WDR87: variants seen among roughly 807,000 people sequenced by gnomAD.
WDR87 encodes the protein WD repeat-containing protein 87.
WDR87 carries 56 observed loss-of-function variants against 83.3 expected under a neutral mutation model. The ratio of observed to expected loss-of-function variants is 0.67; its 90% CI spans 0.54 to 0.84. The LOEUF (loss-of-function observed/expected upper bound fraction) is 0.84. WDR87 is among the 40% of genes least tolerant of loss of function. The probability of loss-of-function intolerance (pLI) is 0.00; values close to 1 mark genes in which losing one functional copy is unlikely to be tolerated. For synonymous variants in WDR87, 1,173 were observed against 1,250.6 expected, an observed-to-expected ratio of 0.94 and a Z score of 1.31; for missense variants, 2,939 against 3,431.9, an observed-to-expected ratio of 0.86 and a Z score of 3.59.
chr19:37,894,449 G>C lies in WDR87; in HGVS notation c.1254C>G (p.Asp418Glu). Residue 418 changes from aspartate to glutamate, a missense_variant, in exon 4 of 6, where the codon GAC (aspartate) becomes GAG (glutamate). Asp to Glu is a conservative substitution (Grantham distance 45, BLOSUM62 2). Around this residue, in one of 3 missense-constraint regions of WDR87, gnomAD observed 553 missense variants for 577.9 expected, o/e 0.96. Coordinates refer to ENST00000447313, the MANE Select transcript of WDR87 (RefSeq NM_001291088.2). Reference sequence around the variant, plus strand: ...CTACAAAGAGCTCCTCTTTACCTGGGTCGTAGGCCCAATCCACAGCCTGGT... The same window carrying C: ...CTACAAAGAGCTCCTCTTTACCTGGCTCGTAGGCCCAATCCACAGCCTGGT... ...ILDQAVDWAY[D>E]PGKEELFVAT... The C allele has an allele frequency of 6.4e-7, 1 of 1,551,722 alleles. No individual in the cohort carries two copies. The highest frequency in any genetic ancestry group is 8.7e-7 in the Non-Finnish European group (1 of 1,147,000).
intron 1 of WDR87, among the ~76,000 whole-genome samples, chr19:37,902,457 A>C (rs1311620447): frequency 6.6e-6 from 1 of 152,152 alleles, no homozygotes; most frequent in Non-Finnish European, 1.5e-5. Context: ...ACCTCAGGTC[A>C]TCTGCCCGCC....
At chr19:37,903,297 C>T (rs2046303787) in intron 1 of WDR87, among the ~76,000 whole-genome samples, 1 of 152,154 alleles carries the variant, frequency 6.6e-6, no homozygotes, top group African/African-American at 2.4e-5. Flanking sequence ...CAAGTTTGTC[C>T]CCAGGGCCTG....
At position 37,889,864 on chromosome 19, in the gene WDR87, A is replaced by T; in HGVS notation, c.3807T>A (p.Ser1269=). The T allele has an allele frequency of 1.3e-6, 2 of 1,551,734 alleles. No homozygotes were observed. Among genetic ancestry groups the T allele is most frequent in the Non-Finnish European group, 1.7e-6 (2 of 1,146,994 alleles). Residue 1269 remains serine, a synonymous_variant, in exon 6 of 6, where the codon TCT becomes TCA. Transcript: ENST00000447313. ...CATCTCCAGCGGTTGACCTGCGGCC[A>T]GATATTCCAGAGGCTCCCCGCCCTT... ...KIQGRGASGI[S]GRRSTAGDGS... is the part of the protein sequence containing the mutation.
rs1371104209 is a variant in WDR87 at position 37,887,466 on chromosome 19, C to T, written c.6205G>A (p.Glu2069Lys). ...AATTCCAGTTTTCCTTTGGCAATTT[C>T]GCTTTCCTCCATGGCCAATATCCTG... The part of the protein sequence containing the change: ...EDRILAMEES[E>K]IAKGKLEFTR... Residue 2069 changes from glutamate to lysine, a missense_variant, in exon 6 of 6, where the codon GAA becomes AAA. Transcript: ENST00000447313. 9.0e-6 allele frequency: 14 copies of T among 1,551,576 alleles called. No homozygotes were observed. The highest frequency in any genetic ancestry group is 5.9e-5 in the Admixed American group (3 of 50,950).
At position 37,889,866 on chromosome 19, in the gene WDR87, A is replaced by C; in HGVS notation, c.3805T>G (p.Ser1269Ala). Residue 1269 changes from serine to alanine, a missense_variant, in exon 6 of 6, where the codon TCT (serine) becomes GCT (alanine). Ser to Ala is a moderately conservative substitution (Grantham distance 99). Coordinates refer to ENST00000447313, the MANE Select transcript of WDR87 (RefSeq NM_001291088.2). ...KIQGRGASGI[S>A]GRRSTAGDGS... Reference sequence around the variant, plus strand: ...TCTCCAGCGGTTGACCTGCGGCCAGATATTCCAGAGGCTCCCCGCCCTTGG... The same window carrying C: ...TCTCCAGCGGTTGACCTGCGGCCAGCTATTCCAGAGGCTCCCCGCCCTTGG... The C allele has an allele frequency of 6.4e-7, 1 of 1,551,752 alleles. No individual in the cohort carries two copies. The highest frequency in any genetic ancestry group is 2.4e-5 in the East Asian group (1 of 40,920).
At chr19:37,899,416 CAAAAAAAAAA>C (rs11378161) in intron 1 of WDR87, among the ~76,000 whole-genome samples, 12 of 79,258 alleles carry the variant, frequency 1.5e-4, no homozygotes, top group African/African-American at 4.0e-4. Context: ...GACTCAGTCT[CAAAAAAAAAA>C]AAAAAAAAAA....
rs2046137704 is a variant in WDR87, at chr19:37,885,678, A to G, written c.7993T>C (p.Leu2665=). The G allele has an allele frequency of 6.4e-7, 1 of 1,551,734 alleles. No individual in the cohort carries two copies. The highest frequency in any genetic ancestry group is 8.7e-7 in the Non-Finnish European group (1 of 1,146,996). The change falls in exon 6 of 6, where the codon TTA becomes CTA. Residue 2665 remains leucine, a synonymous_variant. Transcript: ENST00000447313. ...GGGTCTGGAATCCTCTTGGTAGCTA[A>G]TGGGGACTTTTGTGTGGGGACAGCC... ...PLAVPTQKSP[L]ATKRIPDPRA...
chr19:37,905,497 CT>C (rs2046320438), intron 1 of WDR87, among the ~76,000 whole-genome samples: 1 of 150,922 alleles, frequency 6.6e-6, no homozygotes, highest in Non-Finnish European at 1.5e-5. Flanking sequence ...TGAATTTTAC[CT>C]GTTTATGTCA....
intron 1 of WDR87, among the ~76,000 whole-genome samples, chr19:37,904,698 T>C (rs961671982): frequency 6.6e-6 from 1 of 152,218 alleles, no homozygotes; most frequent in Non-Finnish European, 1.5e-5. Context: ...ATATACACTG[T>C]TATTCACTTT....
rs905072281 is a variant in WDR87, at chr19:37,894,568, G to T, written c.1135C>A (p.Arg379=). 1 of 1,551,586 alleles carries T rather than the reference G, an allele frequency of 6.4e-7. No individual in the cohort carries two copies. Among genetic ancestry groups the T allele is most frequent in the East Asian group, 2.4e-5 (1 of 40,938 alleles). ...CCATCCTCAGTGGTACACAGGATCC[G>T]GAACCAGTTATTTCCACAGCAGACC... The part of the protein sequence containing the change: ...RRVCCGNNWF[R]ILCTTEDGLL... The change falls in exon 4 of 6, where the codon CGG becomes AGG. Residue 379 remains arginine, a synonymous_variant. Coordinates refer to ENST00000447313, the MANE Select transcript of WDR87 (RefSeq NM_001291088.2).
chr19:37,885,244 C>T lies in WDR87; in HGVS notation c.8427G>A (p.Lys2809=). ...CTCTCATTAGCAGCTCCTGAAGCAG[C>T]TTCTGGATTCTGGGGGACTTAAGTT... The part of the protein sequence containing the change: ...LYQLKSPRIQ[K]LLQELLMREE... Residue 2809 remains lysine, a synonymous_variant, in exon 6 of 6, where the codon AAG becomes AAA. Coordinates refer to ENST00000447313, the MANE Select transcript of WDR87 (RefSeq NM_001291088.2). 6.6e-7 allele frequency: 1 copy of T among 1,513,252 alleles called. No homozygotes were observed. The highest frequency in any genetic ancestry group is 8.8e-7 in the Non-Finnish European group (1 of 1,131,440). The allele number at this position is 1,513,252 out of a possible 1,614,324, so 93.7% of individuals were successfully genotyped here.
intron 4 of WDR87, 145 bp downstream of exon 4, chr19:37,892,433 C>G: frequency 1.3e-6 from 1 of 748,592 alleles, no homozygotes; most frequent in Non-Finnish European, 2.1e-6. Flanking sequence ...TCGGGATTGT[C>G]AAGGATAGTC....
In WDR87 at chr19:37,891,629, G is replaced by A; in HGVS notation, c.3317C>T (p.Thr1106Ile). The A allele has an allele frequency of 1.4e-5, 22 of 1,551,984 alleles. No homozygotes were observed. Among genetic ancestry groups the A allele is most frequent in the Non-Finnish European group, 1.9e-5 (22 of 1,147,056 alleles). The change falls in exon 5 of 6, where the codon ACA becomes ATA. Residue 1106 changes from threonine (T) to isoleucine (I), a missense_variant. Physicochemically the swap from Thr to Ile is moderately conservative, Grantham distance 89. Transcript: ENST00000447313. Reference sequence around the variant, plus strand: ...GGCCACTTCAGATTCTTCAGAAACTGTAGGAGGTTTCAGGGAGGATTTAAG... The same window carrying A: ...GGCCACTTCAGATTCTTCAGAAACTATAGGAGGTTTCAGGGAGGATTTAAG... Reference protein sequence around the residue: ...SELKSSLKPPTVSEESEVAIK... With the variant: ...SELKSSLKPPIVSEESEVAIK...
At position 37,893,263 on chromosome 19, in the gene WDR87, GC is replaced by G. The variant is rs1431403560; in HGVS notation, c.2439del (p.Arg814GlyfsTer15). On this transcript the variant is annotated frameshift_variant, in exon 4 of 6. Transcript: ENST00000447313. LOFTEE classifies it high-confidence loss of function. ...CAGTCAGGGGCAAAAAGCCATTCCCGCCCATGACCAAAGTAGTATCGCAATA... is the reference window on the plus strand; with the variant it reads ...CAGTCAGGGGCAAAAAGCCATTCCCGCCATGACCAAAGTAGTATCGCAATA... Reference protein sequence around the residue: ...YQILRYYFGHGREWLFAPDCY... With the variant: ...YQILRYYFGHXREWLFAPDCY... 1.9e-6 allele frequency: 3 copies of G among 1,551,602 alleles called. No individual in the cohort carries two copies. The highest frequency in any genetic ancestry group is 2.6e-6 in the Non-Finnish European group (3 of 1,147,022).
Position 37,894,288 on chromosome 19 carries a change from C to T in WDR87, c.1415G>A (p.Gly472Asp), listed in dbSNP as rs908030249. ...CCCAGAGAATATCAGTCCCTCTAGA[C>T]CCCGCCCCAAGTTGAAATGCCCATA... ...LAYGHFNLGR[G>D]LEGLIFSGHQ... Residue 472 changes from glycine (G) to aspartate (D), a missense_variant, in exon 4 of 6, where the codon GGT becomes GAT. Transcript: ENST00000447313. The T allele has an allele frequency of 2.6e-6, 4 of 1,551,620 alleles. No individual in the cohort carries two copies. Among genetic ancestry groups the T allele is most frequent in the African/African-American group, 1.4e-5 (1 of 73,032 alleles).
Position 37,886,289 on chromosome 19 carries a change from A to G in WDR87, c.7382T>C (p.Val2461Ala). Residue 2461 changes from valine (V) to alanine (A), a missense_variant, in exon 6 of 6, where the codon GTA becomes GCA. Val to Ala is a moderately conservative substitution (Grantham distance 64). Around this residue, in one of 3 missense-constraint regions of WDR87, gnomAD observed 2,160 missense variants for 2,533.1 expected, o/e 0.85. Coordinates refer to ENST00000447313, the MANE Select transcript of WDR87 (RefSeq NM_001291088.2). Reference sequence around the variant, plus strand: ...TAAGAATTTCCTGGGTATTTCAACTACTGTGGCCTTTTTATCTTCCCAGGA... The same window carrying G: ...TAAGAATTTCCTGGGTATTTCAACTGCTGTGGCCTTTTTATCTTCCCAGGA... ...QISWEDKKAT[V>A]VEIPRKFLGT... The G allele has an allele frequency of 6.4e-7, 1 of 1,551,630 alleles. No individual in the cohort carries two copies. Among genetic ancestry groups the G allele is most frequent in the Non-Finnish European group, 8.7e-7 (1 of 1,146,964 alleles).
intron 3 of WDR87, among the ~76,000 whole-genome samples, 194 bp from the exon 4 acceptor site, chr19:37,895,650 C>T (rs1366146433): frequency 6.6e-6 from 1 of 151,202 alleles, no homozygotes; most frequent in Admixed American, 6.6e-5. Flanking sequence ...GCCTGTAATC[C>T]CAGCTACTCG....
At position 37,889,983 on chromosome 19, in the gene WDR87, T is replaced by G. The variant is rs760170102; in HGVS notation, c.3688A>C (p.Lys1230Gln). 7.1e-6 allele frequency: 11 copies of G among 1,551,706 alleles called. No individual in the cohort carries two copies. The highest frequency in any genetic ancestry group is 1.4e-5 in the African/African-American group (1 of 73,156). ...KKATAQKLKK[K>Q]HKKKGKEAKV... ...GCTTCTTTTCCCTTCTTTTTGTGCT[T>G]CTTTTTGAGTTTCTGAGCTGTTGCT... The change falls in exon 6 of 6, where the codon AAG (lysine) becomes CAG (glutamine). Residue 1230 changes from lysine to glutamine, a missense_variant. By Grantham distance (53) the Lys-to-Gln change is moderately conservative. Transcript: ENST00000447313.
rs2046221681 is a variant in WDR87, at chr19:37,893,161, C to A, written c.2542G>T (p.Ala848Ser). 3 of 1,551,940 alleles carry A rather than the reference C, an allele frequency of 1.9e-6. No homozygotes were observed. In the South Asian group the frequency reaches 3.6e-5, roughly 18 times the overall value. The change falls in exon 4 of 6, where the codon GCA becomes TCA. Residue 848 changes from alanine (A) to serine (S), a missense_variant. Ala to Ser is a moderately conservative substitution (Grantham distance 99). Transcript: ENST00000447313. ...TPIYLQCNLHAPQRELEWDRS... is the reference protein window; with the variant it reads ...TPIYLQCNLHSPQRELEWDRS... ...TCCCATTCCAGCTCCCGCTGGGGTG[C>A]ATGCAGGTTGCACTGTAGGTATATT... is the stretch of plus-strand genomic sequence containing the variant.
Sources: allele counts gnomAD v4.1 joint callset (sites outside exome capture counted in the v4.1 genomes callset), GRCh38; gene constraint gnomAD v4.1.1; regional missense constraint gnomAD v4.1.1; transcripts MANE v1.5; gene names NCBI Gene and HGNC (gene_info 2026-07-23, HGNC 2026-07-21).